The following ADCK1 variants were observed in gnomAD, a reference collection of about 807,000 sequenced individuals.
ADCK1 encodes aarF domain containing kinase 1, also known as aarF domain-containing protein kinase 1.
Under a neutral mutation model 52.3 loss-of-function variants are expected in ADCK1, and 41 were observed. The ratio of observed to expected loss-of-function variants is 0.78; its 90% CI spans 0.61 to 1.02. The LOEUF (loss-of-function observed/expected upper bound fraction) is 1.02. Ranked by LOEUF, ADCK1 falls within the 50% of genes least tolerant of loss-of-function variation. ADCK1 has a pLI of 0.00. For synonymous variants in ADCK1, 250 were observed against 274.6 expected, an observed-to-expected ratio of 0.91 and a Z score of 0.89; for missense variants, 658 against 679.5, an observed-to-expected ratio of 0.97 and a Z score of 0.35.
intron 4 of ADCK1, among the ~76,000 whole-genome samples, chr14:77,866,013 TC>T (rs2082653122): frequency 6.6e-6 from 1 of 152,198 alleles, no homozygotes; most frequent in Non-Finnish European, 1.5e-5. Context: ...CAGCTCTCTG[TC>T]CCATATTCAG....
chr14:77,909,792 T>C (rs560888306), intron 7 of ADCK1, among the ~76,000 whole-genome samples: 4 of 152,298 alleles, frequency 2.6e-5, no homozygotes, highest in African/African-American at 9.6e-5. Context: ...TCTTTCTCCT[T>C]TTACCATTAG....
At chr14:77,885,626 G>T (rs116656022) in intron 4 of ADCK1, among the ~76,000 whole-genome samples, 1,871 of 152,326 alleles carry the variant, frequency 0.012, 37 homozygotes, top group African/African-American at 0.043. Context: ...AAGGAGAGGA[G>T]TGGAGGGGCA....
Position 77,907,880 on chromosome 14 carries a change from CAG to C in ADCK1, c.823_824del (p.Asp275LeufsTer11), listed in dbSNP as rs780353968. The C allele has an allele frequency of 9.3e-6, 15 of 1,613,994 alleles. No homozygotes were observed. In the East Asian group the frequency reaches 2.7e-4, roughly 29 times the overall value. On this transcript the variant is annotated frameshift_variant, in exon 7 of 11. Coordinates refer to ENST00000238561, the MANE Select transcript of ADCK1 (RefSeq NM_020421.4). LOFTEE classifies it high-confidence loss of function. ...TTGTGGATGGCGGGCAGGTCAATGA[CAG>C]AGACTACATGGAGAGGAACAAGATC... is the stretch of plus-strand genomic sequence containing the variant. ...EFVDGGQVND[R>X]DYMERNKIDV...
At position 77,821,891 on chromosome 14, in the gene ADCK1, GA is replaced by G. The variant is rs35265585; in HGVS notation, c.136-526del. 2.2e-3 allele frequency among the ~76,000 whole-genome samples: 240 copies of G among 109,596 alleles called. No homozygotes were observed. The South Asian group carries it at 0.023, about 11-fold the overall frequency. 71.9% of individuals were successfully genotyped at this position (109,596 alleles called of 152,430 possible). On this transcript the variant is annotated intron_variant, in intron 2 of 10. Coordinates refer to ENST00000238561, the MANE Select transcript of ADCK1 (RefSeq NM_020421.4). ...AGTGACAGAGCAAGACTCTGTCTCA[GA>G]AAAAAAAAAAAAAAAAAGACTTATG...
intron 5 of ADCK1, among the ~76,000 whole-genome samples, chr14:77,891,343 G>A (rs1054889242): frequency 6.6e-6 from 1 of 152,176 alleles, no homozygotes; most frequent in African/African-American, 2.4e-5. Context: ...AGCTGGGAGA[G>A]ACCTGGGAGA....
intron 4 of ADCK1, among the ~76,000 whole-genome samples, chr14:77,869,353 G>C (rs2082728204): frequency 6.6e-6 from 1 of 152,060 alleles, no homozygotes; most frequent in Non-Finnish European, 1.5e-5. Context: ...GCTGTTCCTT[G>C]GTTTGGAGAT....
chr14:77,899,383 T>A, intron 6 of ADCK1, 125 bp downstream of exon 6: 1 of 1,247,514 alleles, frequency 8.0e-7, no homozygotes, highest in Non-Finnish European at 1.1e-6. Context: ...GTCCTCTTAC[T>A]GAGGATGAAT....
chr14:77,824,436 CTTT>C (rs755099441), intron 3 of ADCK1, among the ~76,000 whole-genome samples: 6 of 133,958 alleles, frequency 4.5e-5, no homozygotes, highest in Non-Finnish European at 3.2e-5. Flanking sequence ...TTCTTTCTTT[CTTT>C]TTTTTTTTTT....
At chr14:77,913,543 G>A (rs527401773) in intron 7 of ADCK1, among the ~76,000 whole-genome samples, 147 of 152,322 alleles carry the variant, frequency 9.7e-4, no homozygotes, top group African/African-American at 3.2e-3. Flanking sequence ...AGTAAAGGTC[G>A]TGCAGGAGTC....
chr14:77,860,587 G>A (rs1462553508), intron 4 of ADCK1, among the ~76,000 whole-genome samples: 3 of 152,162 alleles, frequency 2.0e-5, no homozygotes, highest in African/African-American at 7.2e-5. Flanking sequence ...CTGCCACTGA[G>A]GAACATGTCC....
intron 5 of ADCK1, among the ~76,000 whole-genome samples, chr14:77,895,033 G>T (rs958012431): frequency 6.6e-6 from 1 of 152,132 alleles, no homozygotes; most frequent in African/African-American, 2.4e-5. Flanking sequence ...GATTACAGGC[G>T]TGAGCTACCA....
rs776141059 is a variant in ADCK1 at position 77,842,450 on chromosome 14, TCCTTCCTTCCTTCCTTCCTTCCTTCC to T, written c.220-16625_220-16600del. ...CTGTATCTTTCAGGGTATTTTTTTT[TCCTTCCTTCCTTCCTTCCTTCCTTCC>T]TTCCTTCCTTCCTTCCTTCCTTCCT... is the stretch of plus-strand genomic sequence containing the variant. On this transcript the variant is annotated intron_variant, in intron 3 of 10. Transcript: ENST00000238561. 1.5e-3 allele frequency among the ~76,000 whole-genome samples: 149 copies of T among 98,980 alleles called. 3 individuals are homozygous for T. Among genetic ancestry groups the T allele is most frequent in the East Asian group, 3.7e-3 (14 of 3,798 alleles). The allele number at this position is 98,980 out of a possible 152,430, so 64.9% of individuals were successfully genotyped here. A position where few individuals can be genotyped will look rare whatever the true frequency, so the allele number is the denominator to read the frequency against.
Position 77,887,076 on chromosome 14 carries a change from C to T in ADCK1, c.424-15C>T. On this transcript the variant is annotated splice_polypyrimidine_tract_variant and intron_variant, in intron 4 of 10. Transcript: ENST00000238561. ...GTCATCTTTTTCATTGCTCTGTTCT[C>T]TCCACTCCCGACAGATCCATGATTT... The T allele has an allele frequency of 6.4e-7, 1 of 1,557,774 alleles. No individual in the cohort carries two copies.
intron 7 of ADCK1, 78 bp downstream of exon 7, chr14:77,907,997 C>A: frequency 8.4e-7 from 1 of 1,183,512 alleles, no homozygotes; most frequent in South Asian, 1.3e-5. Context: ...CCTGTGTGTC[C>A]AGGTGAGGCC....
At chr14:77,863,393 G>A (rs7153099) in intron 4 of ADCK1, among the ~76,000 whole-genome samples, 4,831 of 152,058 alleles carry the variant, frequency 0.032, 144 homozygotes, top group South Asian at 0.12. Flanking sequence ...AGTTATCGTG[G>A]AAATTAAGGG....
At chr14:77,856,151 A>AG (rs2082413007) in intron 3 of ADCK1, among the ~76,000 whole-genome samples, 1 of 152,206 alleles carries the variant, frequency 6.6e-6, no homozygotes, top group African/African-American at 2.4e-5. Context: ...CAGAGGCTAC[A>AG]GTGAGCCGAG....
chr14:77,912,987 T>C (rs556449813), intron 7 of ADCK1, among the ~76,000 whole-genome samples: 6 of 152,308 alleles, frequency 3.9e-5, no homozygotes, highest in African/African-American at 7.2e-5. Context: ...AGTATGCTTA[T>C]TGAAGGTGTG....
Position 77,887,081 on chromosome 14 carries a change from C to G in ADCK1, c.424-10C>G. 1 of 1,568,712 alleles carries G rather than the reference C, an allele frequency of 6.4e-7. No homozygotes were observed. On this transcript the variant is annotated splice_polypyrimidine_tract_variant and intron_variant, in intron 4 of 10. Coordinates refer to ENST00000238561, the MANE Select transcript of ADCK1 (RefSeq NM_020421.4). ...CTTTTTCATTGCTCTGTTCTCTCCA[C>G]TCCCGACAGATCCATGATTTGTTCC...
rs949262075 is a variant in ADCK1 at position 77,933,458 on chromosome 14, C to T, written c.*67C>T. On this transcript the variant is annotated 3_prime_UTR_variant, in exon 11 of 11. Transcript: ENST00000238561. The stretch of plus-strand genomic sequence containing the variant: ...CCTCAGCCCCTCATCTTGCCTCCAC[C>T]CAGCTGCTCCATTTTTGCCACATCG... 2.5e-6 allele frequency: 4 copies of T among 1,584,976 alleles called. No individual in the cohort carries two copies. The Admixed American group carries it at 6.8e-5, about 27-fold the overall frequency.
Sources: gnomAD v4.1 joint callset for allele counts (sites outside exome capture counted in the v4.1 genomes callset) on GRCh38, gnomAD v4.1.1 for gene constraint, MANE v1.5 for transcripts, NCBI Gene and HGNC (gene_info 2026-07-23, HGNC 2026-07-21) for gene names.